CSNK1G1: variants seen among roughly 807,000 people sequenced by gnomAD.
The protein encoded by CSNK1G1 is casein kinase 1 gamma 1.
Under a neutral mutation model 59.6 loss-of-function variants are expected in CSNK1G1, and 22 were observed. That is an observed-to-expected ratio of 0.37 (90% confidence interval 0.26 to 0.53). The LOEUF (loss-of-function observed/expected upper bound fraction) is 0.53. Ranked by LOEUF, CSNK1G1 falls within the 20% of genes least tolerant of loss-of-function variation. The pLI is 0.89. For missense variants in CSNK1G1, 384 were observed against 519.5 expected, an observed-to-expected ratio of 0.74 and a Z score of 2.54; for synonymous variants, 179 against 177.1, an observed-to-expected ratio of 1.01 and a Z score of -0.08.
At chr15:64,318,737 A>G (rs1267631549) in intron 1 of CSNK1G1, among the ~76,000 whole-genome samples, 1 of 151,838 alleles carries the variant, frequency 6.6e-6, no homozygotes, top group Non-Finnish European at 1.5e-5. Flanking sequence ...CAGCCTCCCA[A>G]GTAGCTGGGA....
At chr15:64,173,625 T>G (rs563258225) in intron 11 of CSNK1G1, among the ~76,000 whole-genome samples, 2 of 141,316 alleles carry the variant, frequency 1.4e-5, no homozygotes, top group Admixed American at 1.4e-4. Context: ...TTTTCTTTTT[T>G]TTTTTTTTTT....
At chr15:64,348,414 G>A (rs1898092346) in intron 1 of CSNK1G1, 1 of 152,070 alleles carries the variant, frequency 6.6e-6, no homozygotes, top group Non-Finnish European at 1.5e-5. Context: ...GGATGGAGGA[G>A]AGAAGCACAC....
chr15:64,261,880 T>G (rs1892709520), intron 2 of CSNK1G1, among the ~76,000 whole-genome samples: 1 of 148,164 alleles, frequency 6.7e-6, no homozygotes, highest in African/African-American at 2.5e-5. Flanking sequence ...AGGCAGAGGT[T>G]GCAGTGAGCC....
intron 6 of CSNK1G1, among the ~76,000 whole-genome samples, chr15:64,212,053 G>C (rs1567375904): frequency 6.6e-6 from 1 of 152,188 alleles, no homozygotes; most frequent in Non-Finnish European, 1.5e-5. Context: ...CTATGCAAGA[G>C]ACCTATGTCA....
intron 4 of CSNK1G1, among the ~76,000 whole-genome samples, chr15:64,247,368 G>A (rs1363419007): frequency 2.0e-5 from 3 of 152,086 alleles, no homozygotes; most frequent in African/African-American, 7.2e-5. Flanking sequence ...TATAAGAAAT[G>A]AAAAAATGAT....
intron 1 of CSNK1G1, among the ~76,000 whole-genome samples, chr15:64,320,678 C>CAAAAAAAAA (rs1031206646): frequency 7.0e-5 from 3 of 43,124 alleles, no homozygotes; most frequent in Non-Finnish European, 1.0e-4. Flanking sequence ...GGCTCCATCA[C>CAAAAAAAAA]AAAAAAAAAA....
intron 10 of CSNK1G1, among the ~76,000 whole-genome samples, chr15:64,180,734 A>C (rs751471687): frequency 5.3e-5 from 8 of 152,238 alleles, no homozygotes; most frequent in Non-Finnish European, 8.8e-5. Flanking sequence ...AAATCTTATG[A>C]AATAGGTTTT....
intron 1 of CSNK1G1, among the ~76,000 whole-genome samples, chr15:64,321,899 C>T (rs1464828289): frequency 1.3e-5 from 2 of 152,178 alleles, no homozygotes; most frequent in African/African-American, 4.8e-5. Context: ...TTCTATAGTT[C>T]CCGCTAAGCT....
At chr15:64,293,550 C>G (rs1246968496) in intron 2 of CSNK1G1, among the ~76,000 whole-genome samples, 1 of 152,160 alleles carries the variant, frequency 6.6e-6, no homozygotes, top group South Asian at 2.1e-4. Context: ...AACAAAATTG[C>G]AAACGTACAT....
intron 1 of CSNK1G1, among the ~76,000 whole-genome samples, chr15:64,319,197 C>G (rs960126020): frequency 6.6e-6 from 1 of 152,142 alleles, no homozygotes; most frequent in African/African-American, 2.4e-5. Context: ...GAACTATTTA[C>G]TTTGGACAAA....
chr15:64,165,987 C>T lies in CSNK1G1; in HGVS notation c.*5944G>A, dbSNP rs2081598349. The T allele has an allele frequency of 1.5e-6, 1 of 675,504 alleles. No individual in the cohort carries two copies. The highest frequency in any genetic ancestry group is 2.7e-6 in the Non-Finnish European group (1 of 374,476). The allele number at this position is 675,504 out of a possible 1,614,324, so 41.8% of individuals were successfully genotyped here. On this transcript the variant is annotated 3_prime_UTR_variant, in exon 12 of 12. Transcript: ENST00000303052. Reference sequence around the variant, plus strand: ...TCCTGGAGGAACCATTTCAAATACACTTGAAATTGACATTCATGTTTAAAA... The same window carrying T: ...TCCTGGAGGAACCATTTCAAATACATTTGAAATTGACATTCATGTTTAAAA...
At chr15:64,281,722 C>A (rs922860062) in intron 2 of CSNK1G1, among the ~76,000 whole-genome samples, 2 of 151,594 alleles carry the variant, frequency 1.3e-5, no homozygotes, top group African/African-American at 4.9e-5. Flanking sequence ...CGCCTGTAAT[C>A]TCTGCTACTC....
chr15:64,260,157 G>A (rs576989922), intron 2 of CSNK1G1, among the ~76,000 whole-genome samples: 14 of 152,156 alleles, frequency 9.2e-5, no homozygotes, highest in East Asian at 7.7e-4. Context: ...CTTCTTACAC[G>A]TTTGCCTTCT....
intron 1 of CSNK1G1, among the ~76,000 whole-genome samples, chr15:64,321,919 C>T (rs1034444432): frequency 6.6e-6 from 1 of 152,196 alleles, no homozygotes; most frequent in African/African-American, 2.4e-5. Flanking sequence ...TACTGATAAA[C>T]CACAGAAGGC....
intron 1 of CSNK1G1, among the ~76,000 whole-genome samples, chr15:64,317,530 CT>C (rs57192493): frequency 6.6e-4 from 93 of 140,594 alleles, no homozygotes; most frequent in African/African-American, 1.1e-3. Context: ...TAAGGTTTCT[CT>C]TTTTTTTTTT....
At chr15:64,191,822 T>G (rs1053972637) in intron 10 of CSNK1G1, among the ~76,000 whole-genome samples, 5 of 152,202 alleles carry the variant, frequency 3.3e-5, no homozygotes, top group African/African-American at 1.2e-4. Context: ...TAAGTACAGA[T>G]GTGAACCTAG....
At chr15:64,219,777 C>CTTT (rs750402203) in intron 4 of CSNK1G1, among the ~76,000 whole-genome samples, 2,581 of 136,266 alleles carry the variant, frequency 0.019, 138 homozygotes, top group African/African-American at 0.069. Flanking sequence ...CTTTTCTTTT[C>CTTT]TTTTTTTTTT....
At chr15:64,275,888 C>T (rs1403391417) in intron 2 of CSNK1G1, among the ~76,000 whole-genome samples, 1 of 151,972 alleles carries the variant, frequency 6.6e-6, no homozygotes. Context: ...GAGTTATGAT[C>T]AAAGAATAAT....
intron 1 of CSNK1G1, among the ~76,000 whole-genome samples, chr15:64,318,251 T>C (rs576550097): frequency 2.5e-4 from 38 of 152,178 alleles, no homozygotes; most frequent in Admixed American, 7.9e-4. Flanking sequence ...CTTCTTCCCG[T>C]GACGTATCAG....
Sources: allele counts gnomAD v4.1 joint callset (sites outside exome capture counted in the v4.1 genomes callset), GRCh38; gene constraint gnomAD v4.1.1; transcripts MANE v1.5; gene names NCBI Gene and HGNC (gene_info 2026-07-23, HGNC 2026-07-21).